Variants in SYT17 observed in about 807,000 individuals in gnomAD.
SYT17 encodes synaptotagmin 17, also known as synaptotagmin-17.
In SYT17, 22 loss-of-function variants were observed where a neutral mutation model predicts 46.7. That is an observed-to-expected ratio of 0.47 (90% CI 0.34 to 0.67). SYT17 has a LOEUF of 0.67. Among genes scored for constraint, SYT17 ranks in the 30% least tolerant of loss-of-function variants. SYT17 has a pLI of 0.01. For missense variants in SYT17, 519 were observed against 612.8 expected, an observed-to-expected ratio of 0.85 and a Z score of 1.62; for synonymous variants, 251 against 248.4, an observed-to-expected ratio of 1.01 and a Z score of -0.10.
intron 7 of SYT17, among the ~76,000 whole-genome samples, chr16:19,259,083 G>A (rs887851301): frequency 3.9e-5 from 6 of 152,178 alleles, no homozygotes; most frequent in African/African-American, 1.4e-4. Context: ...TAGGCAGGGT[G>A]TGTCCATGCA....
At chr16:19,215,767 A>T (rs1264959879) in intron 5 of SYT17, among the ~76,000 whole-genome samples, 3 of 152,176 alleles carry the variant, frequency 2.0e-5, no homozygotes, top group Admixed American at 2.0e-4. Context: ...GTCTGTTCTC[A>T]TGCTGCTGAT....
chr16:19,172,640 T>C (rs773381575), intron 1 of SYT17, 120 bp from the exon 2 acceptor site: 4 of 1,548,150 alleles, frequency 2.6e-6, no homozygotes, highest in Admixed American at 2.1e-5. Flanking sequence ...CAGGGCTTTT[T>C]TTTTTTTTTG....
intron 6 of SYT17, 28 bp downstream of exon 6, chr16:19,223,193 CT>C: frequency 6.2e-7 from 1 of 1,609,274 alleles, no homozygotes; most frequent in African/African-American, 1.3e-5. Flanking sequence ...TCTTCTCTCA[CT>C]TTATTAATGG....
chr16:19,213,789 C>T (rs3815043), intron 5 of SYT17, among the ~76,000 whole-genome samples: 1 of 151,926 alleles, frequency 6.6e-6, no homozygotes, highest in Non-Finnish European at 1.5e-5. Flanking sequence ...CTCAGCCTCC[C>T]GAGTAGTTGG....
At chr16:19,265,450 A>T (rs1266279557) in intron 7 of SYT17, among the ~76,000 whole-genome samples, 1 of 151,978 alleles carries the variant, frequency 6.6e-6, no homozygotes, top group Non-Finnish European at 1.5e-5. Context: ...CGATGGATGG[A>T]GTTTTTGTTT....
At chr16:19,225,651 T>C (rs770729444) in intron 7 of SYT17, among the ~76,000 whole-genome samples, 13 of 152,090 alleles carry the variant, frequency 8.5e-5, no homozygotes, top group Non-Finnish European at 1.8e-4. Flanking sequence ...GAGGATCTCT[T>C]TTCAAGCTCA....
intron 3 of SYT17, among the ~76,000 whole-genome samples, chr16:19,179,106 C>G (rs143281821): frequency 6.6e-6 from 1 of 151,836 alleles, no homozygotes; most frequent in Admixed American, 6.6e-5. Context: ...CTGTTTACTA[C>G]GCAACCAAGC....
chr16:19,221,989 G>A (rs1966335231), intron 5 of SYT17, among the ~76,000 whole-genome samples: 2 of 152,186 alleles, frequency 1.3e-5, no homozygotes, highest in South Asian at 2.1e-4. Flanking sequence ...GCTGAATGAT[G>A]TTTGGGTACG....
chr16:19,198,353 G>A (rs12929451), intron 5 of SYT17, among the ~76,000 whole-genome samples: 79,331 of 151,930 alleles, frequency 0.52, 20,922 homozygotes, highest in Middle Eastern at 0.6. Context: ...TTACAGTGGT[G>A]CCATATCATG....
At chr16:19,210,422 C>T (rs1445641788) in intron 5 of SYT17, among the ~76,000 whole-genome samples, 1 of 151,874 alleles carries the variant, frequency 6.6e-6, no homozygotes, top group African/African-American at 2.4e-5. Flanking sequence ...CTTTAACCCA[C>T]TTCTCTTTAT....
chr16:19,212,174 C>T (rs1320994261), intron 5 of SYT17, among the ~76,000 whole-genome samples: 1 of 152,134 alleles, frequency 6.6e-6, no homozygotes, highest in Admixed American at 6.6e-5. Flanking sequence ...GTGTAGAGGC[C>T]AGAGATGCTG....
Position 19,208,322 on chromosome 16 carries a change from A to AT in SYT17, c.952-14723_952-14722insT, listed in dbSNP as rs550846603. ...GTGTATTAGTCCTTCACACTGCTAT[A>AT]AAGAACCACCTGAGACTGGGCACTA... On this transcript the variant is annotated intron_variant, in intron 5 of 7. Coordinates refer to ENST00000355377, the MANE Select transcript of SYT17 (RefSeq NM_016524.4). 3.1e-4 allele frequency among the ~76,000 whole-genome samples: 47 copies of AT among 152,306 alleles called. No homozygotes were observed. The East Asian group carries it at 8.1e-3, about 26-fold the overall frequency.
chr16:19,248,738 C>T (rs1455881865), intron 7 of SYT17, among the ~76,000 whole-genome samples: 1 of 151,932 alleles, frequency 6.6e-6, no homozygotes, highest in African/African-American at 2.4e-5. Context: ...AGGAGAATCA[C>T]TTGAATCTGG....
At chr16:19,251,913 T>G (rs1275628226) in intron 7 of SYT17, among the ~76,000 whole-genome samples, 1 of 152,126 alleles carries the variant, frequency 6.6e-6, no homozygotes, top group Admixed American at 6.6e-5. Context: ...GTTACCGCTG[T>G]TCAAAACATG....
At chr16:19,259,682 A>T (rs1597049968) in intron 7 of SYT17, among the ~76,000 whole-genome samples, 2 of 147,922 alleles carry the variant, frequency 1.4e-5, no homozygotes, top group South Asian at 2.1e-4. Context: ...GAATGTTTTG[A>T]TTTTTTTTTT....
At chr16:19,257,645 C>T (rs1968671722) in intron 7 of SYT17, among the ~76,000 whole-genome samples, 1 of 152,158 alleles carries the variant, frequency 6.6e-6, no homozygotes. Flanking sequence ...CTGTGGGGAC[C>T]TCTCGGCCAT....
intron 7 of SYT17, among the ~76,000 whole-genome samples, chr16:19,238,992 G>T (rs76851985): frequency 6.6e-6 from 1 of 152,182 alleles, no homozygotes; most frequent in Non-Finnish European, 1.5e-5. Context: ...AAATGCCAGG[G>T]CCTGGCCAGG....
In SYT17 at chr16:19,183,067, C is replaced by T. The variant is rs116333588; in HGVS notation, c.332-461C>T. 2.5e-3 allele frequency among the ~76,000 whole-genome samples: 379 copies of T among 152,276 alleles called. No homozygotes were observed. Among genetic ancestry groups the T allele is most frequent in the African/African-American group, 8.3e-3 (343 of 41,556 alleles). The stretch of plus-strand genomic sequence containing the variant: ...TGGAATTCCACCCAGGCACTCTGGT[C>T]CCAGAGCTCACTCTCTTAAAGTGGA... On this transcript the variant is annotated intron_variant, in intron 4 of 7. Coordinates refer to ENST00000355377, the MANE Select transcript of SYT17 (RefSeq NM_016524.4). The surrounding 1 kb of genome is among the most constrained non-coding windows in gnomAD (Gnocchi z 5.6).
In SYT17 at chr16:19,180,389, A is replaced by C. The variant is rs773458159; in HGVS notation, c.183-2A>C. The C allele has an allele frequency of 1.1e-5, 18 of 1,614,048 alleles. No homozygotes were observed. The highest frequency in any genetic ancestry group is 1.5e-5 in the Non-Finnish European group (18 of 1,179,984). Reference sequence around the variant, plus strand: ...CTACTGAGACCTCTTCCCTTCCTATAGGATGGCCAGCCGGAGCAGTGACAA... The same window carrying C: ...CTACTGAGACCTCTTCCCTTCCTATCGGATGGCCAGCCGGAGCAGTGACAA... On this transcript the variant is annotated splice_acceptor_variant, in intron 3 of 7. Transcript: ENST00000355377. LOFTEE classifies it high-confidence loss of function.
Sources: gnomAD v4.1 joint callset for allele counts (sites outside exome capture counted in the v4.1 genomes callset) on GRCh38, gnomAD v4.1.1 for gene constraint, Gnocchi (gnomAD v3.1) non-coding constraint, MANE v1.5 for transcripts, NCBI Gene and HGNC (gene_info 2026-07-23, HGNC 2026-07-21) for gene names.